NRXN3: variants seen among roughly 807,000 people sequenced by gnomAD.
The protein encoded by NRXN3 is neurexin 3.
A neutral mutation model predicts 137.6 loss-of-function variants in NRXN3; 32 were observed. The observed-to-expected ratio is 0.23, with a 90% CI of 0.18 to 0.31. The LOEUF is 0.31. NRXN3 is among the 10% of genes least tolerant of loss of function. The pLI is 1.00. For synonymous variants in NRXN3, 798 were observed against 784.5 expected (o/e 1.02, Z -0.29); for missense variants, 1,574 against 2,062.5 (o/e 0.76, Z 4.59).
chr14:79,115,290 A>G (rs2054232343), intron 15 of NRXN3, among the ~76,000 whole-genome samples: 1 of 145,940 alleles, frequency 6.9e-6, no homozygotes, highest in Non-Finnish European at 1.5e-5. Context: ...GCGCCATTGC[A>G]CTCCAGCCTG....
At chr14:78,802,619 G>A (rs1464950552) in intron 8 of NRXN3, among the ~76,000 whole-genome samples, 3 of 152,080 alleles carry the variant, frequency 2.0e-5, no homozygotes, top group African/African-American at 2.4e-5. Context: ...ACAAATTGTC[G>A]GTAACCTCAG....
At chr14:78,793,837 A>G (rs1377563580) in intron 8 of NRXN3, among the ~76,000 whole-genome samples, 1 of 151,936 alleles carries the variant, frequency 6.6e-6, no homozygotes, top group South Asian at 2.1e-4. Context: ...TTGCAAAAAC[A>G]CTCTTACCAC....
intron 19 of NRXN3, among the ~76,000 whole-genome samples, chr14:79,730,234 C>T (rs77982419): frequency 0.073 from 11,105 of 152,188 alleles, 481 homozygotes; most frequent in South Asian, 0.22. Flanking sequence ...CCACAGCATC[C>T]CACTTTGGTG....
intron 4 of NRXN3, among the ~76,000 whole-genome samples, chr14:78,379,234 A>G (rs2088560648): frequency 6.6e-6 from 1 of 152,198 alleles, no homozygotes; most frequent in Admixed American, 6.5e-5. Flanking sequence ...AGAAAATAGA[A>G]AAGGAGAAAT....
At chr14:79,858,867 C>T (rs2099408317) in intron 20 of NRXN3, among the ~76,000 whole-genome samples, 1 of 151,748 alleles carries the variant, frequency 6.6e-6, no homozygotes, top group Non-Finnish European at 1.5e-5. Context: ...TTAGGACTGG[C>T]TTACCTTTAG....
At chr14:79,818,526 A>C (rs1260943965) in intron 20 of NRXN3, among the ~76,000 whole-genome samples, 1 of 152,180 alleles carries the variant, frequency 6.6e-6, no homozygotes, top group African/African-American at 2.4e-5. Flanking sequence ...CTTAGAACAC[A>C]GTGATTTAGG....
chr14:79,442,440 A>C (rs1486392394), intron 15 of NRXN3, among the ~76,000 whole-genome samples: 2 of 152,196 alleles, frequency 1.3e-5, no homozygotes, highest in Non-Finnish European at 2.9e-5. Context: ...CTGGATGCTA[A>C]ATTTATCAAC....
At chr14:79,332,159 C>A (rs1412482560) in intron 15 of NRXN3, among the ~76,000 whole-genome samples, 1 of 152,172 alleles carries the variant, frequency 6.6e-6, no homozygotes, top group Non-Finnish European at 1.5e-5. Flanking sequence ...GACCTTAATT[C>A]TATTAGGTTG....
intron 4 of NRXN3, among the ~76,000 whole-genome samples, chr14:78,592,475 C>A (rs2097125843): frequency 6.6e-6 from 1 of 152,112 alleles, no homozygotes; most frequent in Admixed American, 6.5e-5. Flanking sequence ...TGCCCTGTTT[C>A]CCCATCAGAG....
At chr14:79,081,062 A>G (rs1312323957) in intron 15 of NRXN3, among the ~76,000 whole-genome samples, 6 of 152,174 alleles carry the variant, frequency 3.9e-5, no homozygotes, top group African/African-American at 1.4e-4. Context: ...TAGTAGATAC[A>G]AGCCTAGCAT....
At chr14:78,271,321 C>T (rs775712457) in intron 2 of NRXN3, among the ~76,000 whole-genome samples, 1 of 152,098 alleles carries the variant, frequency 6.6e-6, no homozygotes, top group Non-Finnish European at 1.5e-5. Flanking sequence ...ATGCTTCTGG[C>T]AGAACTGGCT....
chr14:79,715,600 T>G (rs1210660180), intron 19 of NRXN3, among the ~76,000 whole-genome samples: 1 of 152,198 alleles, frequency 6.6e-6, no homozygotes, highest in African/African-American at 2.4e-5. Flanking sequence ...CAGATCTGGA[T>G]AGAGTTAAAA....
At position 79,136,087 on chromosome 14, in the gene NRXN3, AG is replaced by A. The variant is rs1199527020; in HGVS notation, c.3262+147947del. Among the ~76,000 whole-genome samples the A allele has an allele frequency of 2.6e-5, 4 of 152,328 alleles. No individual in the cohort carries two copies. The East Asian group carries it at 7.7e-4, about 29-fold the overall frequency. ...ATTTATAGTCACAAAGCAAGAGAAA[AG>A]TCTTTGTTTCCAAGCCAATGGGCTG... is the stretch of plus-strand genomic sequence containing the variant. On this transcript the variant is annotated intron_variant, in intron 15 of 20. Transcript: ENST00000335750.
chr14:79,759,425 T>G (rs1285408623), intron 19 of NRXN3, among the ~76,000 whole-genome samples: 1 of 151,554 alleles, frequency 6.6e-6, no homozygotes, highest in Non-Finnish European at 1.5e-5. Context: ...TTATTGGTCC[T>G]AGGAGTATTC....
At chr14:78,780,642 A>G (rs1043702174) in intron 8 of NRXN3, among the ~76,000 whole-genome samples, 8 of 152,232 alleles carry the variant, frequency 5.3e-5, no homozygotes, top group African/African-American at 1.4e-4. Flanking sequence ...AGCAAAGGAT[A>G]TGAATAAGCA....
chr14:78,701,512 T>C (rs907451751), intron 6 of NRXN3, among the ~76,000 whole-genome samples: 2 of 152,198 alleles, frequency 1.3e-5, no homozygotes, highest in Non-Finnish European at 2.9e-5. Context: ...GAATGAGGTA[T>C]GGTCTAAGGA....
intron 19 of NRXN3, among the ~76,000 whole-genome samples, chr14:79,794,412 G>A (rs1030406704): frequency 4.0e-5 from 6 of 151,804 alleles, no homozygotes; most frequent in Non-Finnish European, 5.9e-5. Flanking sequence ...AAAACAAGAA[G>A]AGGTCTCCGG....
rs154302 is a variant in NRXN3, at chr14:78,920,661, G to C, written c.2276-36581G>C. Among the ~76,000 whole-genome samples the C allele has an allele frequency of 9.5e-3, 1,447 of 152,244 alleles. 17 individuals carry two copies. The highest frequency in any genetic ancestry group is 0.034 in the African/African-American group (1,392 of 41,522). ...ACATGGAGTGCTCGGGCTACCCACAGTTTTGTGCAGCTGACCACAAATTGG... is the reference window on the plus strand; with the variant it reads ...ACATGGAGTGCTCGGGCTACCCACACTTTTGTGCAGCTGACCACAAATTGG... On this transcript the variant is annotated intron_variant, in intron 10 of 20. Coordinates refer to ENST00000335750, the MANE Select transcript of NRXN3 (RefSeq NM_001330195.2).
intron 20 of NRXN3, among the ~76,000 whole-genome samples, chr14:79,827,403 T>TG (rs1288568366): frequency 6.6e-6 from 1 of 152,342 alleles, no homozygotes; most frequent in Non-Finnish European, 1.5e-5. Flanking sequence ...CAGCCATTTC[T>TG]GGGAGAGAGT....
Sources: gnomAD v4.1 joint callset for allele counts (sites outside exome capture counted in the v4.1 genomes callset) on GRCh38, gnomAD v4.1.1 for gene constraint, MANE v1.5 for transcripts, NCBI Gene and HGNC (gene_info 2026-07-23, HGNC 2026-07-21) for gene names.